The following GPR158 variants were observed in gnomAD, a reference collection of about 807,000 sequenced individuals.
The protein encoded by GPR158 is metabotropic glycine receptor.
GPR158 carries 30 observed loss-of-function variants against 78.2 expected under a neutral mutation model. The ratio of observed to expected loss-of-function variants is 0.38; its 90% CI spans 0.29 to 0.52. GPR158 has a LOEUF of 0.52. Ranked by LOEUF, GPR158 falls within the 20% of genes least tolerant of loss-of-function variation. GPR158 has a pLI of 0.83. For missense variants in GPR158, 1,463 were observed against 1,523.5 expected (o/e 0.96, Z 0.66); for synonymous variants, 581 against 591.1 (o/e 0.98, Z 0.25).
chr10:25,554,134 GCT>G (rs1836758852), intron 6 of GPR158, among the ~76,000 whole-genome samples: 1 of 152,134 alleles, frequency 6.6e-6, no homozygotes, highest in South Asian at 2.1e-4. Flanking sequence ...TTTGGAAGGA[GCT>G]GATCCAGGAT....
chr10:25,345,879 A>T (rs1855365073), intron 2 of GPR158, among the ~76,000 whole-genome samples: 1 of 151,980 alleles, frequency 6.6e-6, no homozygotes, highest in Non-Finnish European at 1.5e-5. Flanking sequence ...CTATGGCATT[A>T]GGCAGAAGAC....
At chr10:25,366,060 A>G (rs959228809) in intron 2 of GPR158, among the ~76,000 whole-genome samples, 1 of 151,798 alleles carries the variant, frequency 6.6e-6, no homozygotes, top group Non-Finnish European at 1.5e-5. Context: ...TAATATATTT[A>G]CTTTTATTGT....
chr10:25,430,997 C>A (rs1189176343), intron 4 of GPR158, among the ~76,000 whole-genome samples: 295 of 144,780 alleles, frequency 2.0e-3, no homozygotes, highest in Middle Eastern at 0.011. Context: ...GCAACAAAAG[C>A]CAAAATTGAC....
intron 2 of GPR158, among the ~76,000 whole-genome samples, chr10:25,359,420 C>T (rs956750994): frequency 4.6e-5 from 7 of 152,000 alleles, no homozygotes; most frequent in Non-Finnish European, 1.0e-4. Context: ...CCCCCCAACC[C>T]CTGACAGGCC....
At chr10:25,440,466 A>G (rs566205226) in intron 4 of GPR158, among the ~76,000 whole-genome samples, 4 of 152,358 alleles carry the variant, frequency 2.6e-5, no homozygotes, top group South Asian at 2.1e-4. Flanking sequence ...TTTCCATAAT[A>G]GCACCCTTCT....
intron 2 of GPR158, among the ~76,000 whole-genome samples, chr10:25,266,829 G>A (rs1196745291): frequency 2.0e-5 from 3 of 152,094 alleles, no homozygotes; most frequent in Non-Finnish European, 4.4e-5. Context: ...GAAACAACAT[G>A]TGAGATAACC....
chr10:25,246,565 C>T (rs893397848), intron 2 of GPR158, among the ~76,000 whole-genome samples: 2 of 152,068 alleles, frequency 1.3e-5, no homozygotes, highest in Admixed American at 6.6e-5. Flanking sequence ...TGAGCATTAT[C>T]GGGGGAATAG....
chr10:25,412,380 G>A lies in GPR158; in HGVS notation c.1242G>A (p.Lys414=). 3 of 1,614,022 alleles carry A rather than the reference G, an allele frequency of 1.9e-6. No individual in the cohort carries two copies. The highest frequency in any genetic ancestry group is 2.5e-6 in the Non-Finnish European group (3 of 1,179,842). Reference sequence around the variant, plus strand: ...GCCCATGCTTCGTCCAGGAAGATAAGTATTTACGACTTGCCATCATCTCCT... The same window carrying A: ...GCCCATGCTTCGTCCAGGAAGATAAATATTTACGACTTGCCATCATCTCCT... The part of the protein sequence containing the change: ...DDSPCFVQED[K]YLRLAIISFQ... Residue 414 remains lysine (K), a synonymous_variant, in exon 4 of 11, where the codon AAG becomes AAA. Coordinates refer to ENST00000376351, the MANE Select transcript of GPR158 (RefSeq NM_020752.3).
chr10:25,239,684 A>G (rs917524342), intron 2 of GPR158, among the ~76,000 whole-genome samples: 1 of 151,916 alleles, frequency 6.6e-6, no homozygotes, highest in Non-Finnish European at 1.5e-5. Flanking sequence ...TAGAGAATAT[A>G]TGCCTGCCAG....
intron 3 of GPR158, 62 bp from the exon 4 acceptor site, chr10:25,412,188 A>C: frequency 9.0e-7 from 1 of 1,110,596 alleles, no homozygotes; most frequent in East Asian, 2.3e-5. Flanking sequence ...TTTTGACTCT[A>C]TACTCAATCT....
intron 2 of GPR158, among the ~76,000 whole-genome samples, chr10:25,237,989 TTC>T (rs1261062356): frequency 6.6e-6 from 1 of 152,138 alleles, no homozygotes; most frequent in Non-Finnish European, 1.5e-5. Context: ...TCACTGTCTC[TTC>T]TGTTTTCTTC....
chr10:25,373,803 G>A (rs1834037993), intron 2 of GPR158, among the ~76,000 whole-genome samples: 1 of 151,610 alleles, frequency 6.6e-6, no homozygotes. Context: ...ACTCTCTATT[G>A]TTTTAGTACT....
chr10:25,232,441 G>A (rs1853461758), intron 2 of GPR158, among the ~76,000 whole-genome samples: 1 of 152,182 alleles, frequency 6.6e-6, no homozygotes, highest in Admixed American at 6.5e-5. Context: ...AGCAAGTGAA[G>A]AATCATGTTG....
Position 25,573,147 on chromosome 10 carries a change from G to T in GPR158, c.1753+260G>T, listed in dbSNP as rs1327308607. 2.0e-5 allele frequency among the ~76,000 whole-genome samples: 3 copies of T among 152,166 alleles called. No individual in the cohort carries two copies. The East Asian group carries it at 5.8e-4, about 29-fold the overall frequency. On this transcript the variant is annotated intron_variant, in intron 7 of 10. Transcript: ENST00000376351. ...AATCAGAAAGGAGAAACGAACAATGGCAACTTCTGTGTATAAAGAGCTTAC... is the reference window on the plus strand; with the variant it reads ...AATCAGAAAGGAGAAACGAACAATGTCAACTTCTGTGTATAAAGAGCTTAC...
intron 5 of GPR158, among the ~76,000 whole-genome samples, chr10:25,534,816 A>G (rs116169694): frequency 0.017 from 2,612 of 152,222 alleles, 67 homozygotes; most frequent in African/African-American, 0.06. Flanking sequence ...TCCGAATTAC[A>G]TCTCCCACCT....
chr10:25,372,949 G>A (rs1250013841), intron 2 of GPR158, among the ~76,000 whole-genome samples: 3 of 151,738 alleles, frequency 2.0e-5, no homozygotes, highest in Admixed American at 1.3e-4. Flanking sequence ...CTTATTACTC[G>A]GTATATACCC....
At chr10:25,457,586 G>A (rs776444809) in intron 4 of GPR158, among the ~76,000 whole-genome samples, 4 of 152,120 alleles carry the variant, frequency 2.6e-5, no homozygotes, top group African/African-American at 4.8e-5. Context: ...TGAAGCCATC[G>A]GAAAAATGAG....
At chr10:25,507,831 G>A (rs1283901932) in intron 5 of GPR158, among the ~76,000 whole-genome samples, 1 of 152,172 alleles carries the variant, frequency 6.6e-6, no homozygotes, top group African/African-American at 2.4e-5. Flanking sequence ...GGAAATCTAG[G>A]ATTCCAGCTT....
At chr10:25,518,514 C>T (rs1836214440) in intron 5 of GPR158, among the ~76,000 whole-genome samples, 1 of 90,134 alleles carries the variant, frequency 1.1e-5, no homozygotes, top group Non-Finnish European at 2.2e-5. Context: ...GCATTTAGTG[C>T]TATAAATTTC....
Sources: allele counts gnomAD v4.1 joint callset (sites outside exome capture counted in the v4.1 genomes callset), GRCh38; gene constraint gnomAD v4.1.1; transcripts MANE v1.5; gene names NCBI Gene and HGNC (gene_info 2026-07-23, HGNC 2026-07-21).